ATRNL1: variants seen among roughly 807,000 people sequenced by gnomAD.
The protein encoded by ATRNL1 is attractin like 1.
Under a neutral mutation model 182.7 loss-of-function variants are expected in ATRNL1, and 95 were observed. The observed-to-expected ratio is 0.52, with a 90% CI of 0.44 to 0.62. ATRNL1 has a LOEUF of 0.62. ATRNL1 is among the 20% of genes least tolerant of loss of function. The probability of loss-of-function intolerance (pLI) is 0.00; values close to 1 mark genes in which losing one functional copy is unlikely to be tolerated. For synonymous variants in ATRNL1, 576 were observed against 568.3 expected (o/e 1.01, Z -0.19); for missense variants, 1,471 against 1,679.5 (o/e 0.88, Z 2.17).
intron 14 of ATRNL1, among the ~76,000 whole-genome samples, chr10:115,284,458 T>C (rs1852512884): frequency 6.6e-6 from 1 of 152,150 alleles, no homozygotes; most frequent in African/African-American, 2.4e-5. Flanking sequence ...GAAACACATA[T>C]AGCTTCAAAC....
chr10:115,650,738 T>C (rs1197777570), intron 26 of ATRNL1, among the ~76,000 whole-genome samples: 1 of 152,132 alleles, frequency 6.6e-6, no homozygotes. Flanking sequence ...TCACCCATCT[T>C]AGAGGCACTG....
At chr10:115,120,134 C>T (rs1244701386) in intron 1 of ATRNL1, 51 bp from the exon 2 acceptor site, 1 of 1,145,666 alleles carries the variant, frequency 8.7e-7, no homozygotes, top group Non-Finnish European at 1.3e-6. Context: ...TGCTATATGT[C>T]TTAAAGTTAT....
intron 27 of ATRNL1, among the ~76,000 whole-genome samples, chr10:115,796,398 A>G (rs1258012936): frequency 6.6e-6 from 1 of 152,030 alleles, no homozygotes; most frequent in Non-Finnish European, 1.5e-5. Flanking sequence ...TTAGGACTAA[A>G]TTGTTGAAAC....
chr10:115,509,970 T>C (rs1469823120), intron 24 of ATRNL1, among the ~76,000 whole-genome samples: 1 of 151,982 alleles, frequency 6.6e-6, no homozygotes, highest in African/African-American at 2.4e-5. Flanking sequence ...AAGAAGTTGA[T>C]TCCCACCCTC....
At chr10:115,418,677 A>G (rs1845514673) in intron 20 of ATRNL1, among the ~76,000 whole-genome samples, 1 of 152,200 alleles carries the variant, frequency 6.6e-6, no homozygotes, top group Non-Finnish European at 1.5e-5. Context: ...AATGACTAAG[A>G]GAGGGTCTAG....
At chr10:115,121,662 T>C (rs781906714) in intron 2 of ATRNL1, 37 bp from the exon 3 acceptor site, 2 of 914,696 alleles carry the variant, frequency 2.2e-6, no homozygotes, top group South Asian at 3.7e-5. Context: ...GTGCTTTGTA[T>C]ATTTTAATTT....
intron 27 of ATRNL1, among the ~76,000 whole-genome samples, chr10:115,815,421 G>GTGTGTA (rs1555088294): frequency 2.0e-5 from 3 of 147,266 alleles, no homozygotes; most frequent in East Asian, 2.0e-4. Flanking sequence ...GTGTATGTGT[G>GTGTGTA]TGTGTGTGTG....
intron 9 of ATRNL1, among the ~76,000 whole-genome samples, chr10:115,218,436 C>T (rs1849314875): frequency 6.6e-6 from 1 of 152,188 alleles, no homozygotes; most frequent in Non-Finnish European, 1.5e-5. Context: ...TTTGCGATCT[C>T]ATGCAGTTGA....
intron 28 of ATRNL1, among the ~76,000 whole-genome samples, chr10:115,853,883 G>T (rs1195143276): frequency 1.3e-5 from 2 of 152,134 alleles, no homozygotes; most frequent in Non-Finnish European, 2.9e-5. Flanking sequence ...ATGACTCCGT[G>T]TCAAAAAATA....
At chr10:115,224,700 C>A (rs959810095) in intron 9 of ATRNL1, among the ~76,000 whole-genome samples, 1 of 151,980 alleles carries the variant, frequency 6.6e-6, no homozygotes, top group Non-Finnish European at 1.5e-5. Context: ...ATATGATAAG[C>A]GACTCTATGA....
intron 26 of ATRNL1, among the ~76,000 whole-genome samples, chr10:115,573,951 A>G (rs1022594641): frequency 2.6e-5 from 4 of 152,188 alleles, no homozygotes; most frequent in Admixed American, 2.6e-4. Flanking sequence ...CAAAGCTGAA[A>G]AGATACTTCT....
intron 26 of ATRNL1, among the ~76,000 whole-genome samples, chr10:115,624,493 C>T (rs1007963871): frequency 1.3e-5 from 2 of 152,048 alleles, no homozygotes; most frequent in Non-Finnish European, 1.5e-5. Flanking sequence ...ATATCATCTT[C>T]GATTATAAAA....
At chr10:115,778,915 A>C (rs964388006) in intron 27 of ATRNL1, among the ~76,000 whole-genome samples, 2 of 152,260 alleles carry the variant, frequency 1.3e-5, no homozygotes, top group African/African-American at 2.4e-5. Flanking sequence ...CAACCAATTC[A>C]GTATCAAGAG....
intron 26 of ATRNL1, among the ~76,000 whole-genome samples, chr10:115,559,701 C>A (rs951259973): frequency 6.6e-6 from 1 of 152,152 alleles, no homozygotes; most frequent in Admixed American, 6.5e-5. Flanking sequence ...GTCCAACAAC[C>A]TTTTACCATA....
chr10:115,548,978 G>A (rs1428759747), intron 25 of ATRNL1, among the ~76,000 whole-genome samples: 1 of 151,838 alleles, frequency 6.6e-6, no homozygotes, highest in Non-Finnish European at 1.5e-5. Flanking sequence ...ATACATAAAG[G>A]TTATTTAATA....
intron 27 of ATRNL1, among the ~76,000 whole-genome samples, chr10:115,817,755 CATAAAAAAGTA>C (rs1480141391): frequency 7.1e-6 from 1 of 141,082 alleles, no homozygotes; most frequent in Admixed American, 7.8e-5. Flanking sequence ...CTAACTGGCC[CATAAAAAAGTA>C]GTTTTTTTTT....
rs371758903 is a variant in ATRNL1 at position 115,094,258 on chromosome 10, G to T, written c.293+215G>T. 8.0e-4 allele frequency among the ~76,000 whole-genome samples: 121 copies of T among 152,196 alleles called. 2 individuals carry two copies. The South Asian group carries it at 0.024, about 31-fold the overall frequency. On this transcript the variant is annotated intron_variant, in intron 1 of 28. Coordinates refer to ENST00000355044, the MANE Select transcript of ATRNL1 (RefSeq NM_207303.4). Reference sequence around the variant, plus strand: ...CCGGGAGAGCTCGGGCCCGCGCGGAGCCCTGACCAACGGGGAGCTAGGCAT... The same window carrying T: ...CCGGGAGAGCTCGGGCCCGCGCGGATCCCTGACCAACGGGGAGCTAGGCAT...
chr10:115,866,599 C>G (rs1410274112), intron 28 of ATRNL1, among the ~76,000 whole-genome samples: 2 of 152,144 alleles, frequency 1.3e-5, no homozygotes, highest in Non-Finnish European at 2.9e-5. Flanking sequence ...GTTTTTGTGT[C>G]TACTCTACAG....
chr10:115,894,632 A>G (rs1952161987), intron 28 of ATRNL1, among the ~76,000 whole-genome samples: 1 of 152,232 alleles, frequency 6.6e-6, no homozygotes, highest in Admixed American at 6.5e-5. Flanking sequence ...CTTATGAAAG[A>G]AATTTTTATC....
Sources: gnomAD v4.1 joint callset for allele counts (sites outside exome capture counted in the v4.1 genomes callset) on GRCh38, gnomAD v4.1.1 for gene constraint, MANE v1.5 for transcripts, NCBI Gene and HGNC (gene_info 2026-07-23, HGNC 2026-07-21) for gene names.